Variants in PRELID2 observed in about 807,000 individuals in gnomAD.
The protein encoded by PRELID2 is PRELI domain containing 2.
A neutral mutation model predicts 28.4 loss-of-function variants in PRELID2; 25 were observed. The ratio of observed to expected loss-of-function variants is 0.88; its 90% CI spans 0.64 to 1.23. The LOEUF (loss-of-function observed/expected upper bound fraction) is 1.23. Among genes scored for constraint, PRELID2 ranks in the 50% most tolerant of loss-of-function variants. PRELID2 has a pLI of 0.00. For missense variants in PRELID2, 201 were observed against 214.4 expected (o/e 0.94, Z 0.39); for synonymous variants, 76 against 71.6 (o/e 1.06, Z -0.31).
chr5:145,322,810 G>A, the PRELID2 span, among the ~76,000 whole-genome samples: 2 of 152,014 alleles, frequency 1.3e-5, no homozygotes, highest in African/African-American at 4.8e-5. Context: ...AACTTTGGGA[G>A]GCCGAGGTGG....
chr5:145,410,234 T>C, the PRELID2 span, among the ~76,000 whole-genome samples: 8 of 152,244 alleles, frequency 5.3e-5, no homozygotes, highest in African/African-American at 1.7e-4. Context: ...GAAAATCTCT[T>C]CTAGATATTG....
chr5:145,254,429 G>A, the PRELID2 span, among the ~76,000 whole-genome samples: 1 of 152,080 alleles, frequency 6.6e-6, no homozygotes, highest in Non-Finnish European at 1.5e-5. Context: ...ACAAGTATGT[G>A]AGCCCCAATC....
chr5:145,468,028 T>C (rs537877963), downstream of PRELID2, among the ~76,000 whole-genome samples: 2 of 152,036 alleles, frequency 1.3e-5, no homozygotes, highest in Admixed American at 1.3e-4. Flanking sequence ...TAACTCGTCA[T>C]TTACATTAGG....
the PRELID2 span, among the ~76,000 whole-genome samples, chr5:145,420,206 C>A: frequency 6.6e-6 from 1 of 151,846 alleles, no homozygotes; most frequent in African/African-American, 2.4e-5. Context: ...ATTGACTTGG[C>A]GATGCGGGCT....
chr5:145,565,098 G>A (rs1332907392), intron 1 of PRELID2, among the ~76,000 whole-genome samples: 9 of 152,138 alleles, frequency 5.9e-5, no homozygotes, highest in Admixed American at 4.6e-4. Context: ...GTTCCTATTC[G>A]GTCATCTTGC....
At chr5:145,443,883 GAA>G in the PRELID2 span, among the ~76,000 whole-genome samples, 1 of 152,184 alleles carries the variant, frequency 6.6e-6, no homozygotes, top group South Asian at 2.1e-4. Flanking sequence ...GGGAATCTAT[GAA>G]AATATGAGAG....
At chr5:145,755,784 C>T (rs963219725), downstream of PRELID2, among the ~76,000 whole-genome samples, 1 of 152,140 alleles carries the variant, frequency 6.6e-6, no homozygotes, top group Non-Finnish European at 1.5e-5. Context: ...TTCCTGCACA[C>T]AGCAGATGCT....
the PRELID2 span, among the ~76,000 whole-genome samples, chr5:145,302,771 T>C: frequency 3.3e-5 from 5 of 152,334 alleles, no homozygotes; most frequent in South Asian, 1.0e-3. Context: ...CTTGTAAATA[T>C]GTGCTTCATT....
the PRELID2 span, among the ~76,000 whole-genome samples, chr5:145,273,584 T>C: frequency 6.6e-6 from 1 of 152,150 alleles, no homozygotes; most frequent in Admixed American, 6.6e-5. Flanking sequence ...CGGAAATGCT[T>C]TTCAGCATCC....
the PRELID2 span, among the ~76,000 whole-genome samples, chr5:145,340,800 T>TATATATATATA: frequency 7.4e-6 from 1 of 135,192 alleles, no homozygotes; most frequent in Non-Finnish European, 1.6e-5. Context: ...TATATATATA[T>TATATATATATA]CCTCCCTATA....
chr5:145,595,177 C>CAT, intron 1 of PRELID2, among the ~76,000 whole-genome samples: 1 of 116,338 alleles, frequency 8.6e-6, no homozygotes, highest in Admixed American at 1.0e-4. Context: ...CACACACACA[C>CAT]ACACACACAC....
At chr5:145,427,706 A>G in the PRELID2 span, among the ~76,000 whole-genome samples, 146 of 152,286 alleles carry the variant, frequency 9.6e-4, no homozygotes, top group Non-Finnish European at 4.3e-4. Context: ...CATTAAAGGT[A>G]TAATACAGTT....
the PRELID2 span, among the ~76,000 whole-genome samples, chr5:145,252,653 G>A: frequency 9.5e-4 from 145 of 152,114 alleles, 1 homozygote; most frequent in Middle Eastern, 3.4e-3. Context: ...TGCATTTTTG[G>A]TGACAGTTTC....
the PRELID2 span, among the ~76,000 whole-genome samples, chr5:145,455,167 A>G: frequency 6.6e-6 from 1 of 152,092 alleles, no homozygotes; most frequent in African/African-American, 2.4e-5. Flanking sequence ...GGTGTAAGGA[A>G]GGGGTCCAGT....
chr5:145,600,500 C>G (rs979523072), intron 1 of PRELID2, among the ~76,000 whole-genome samples: 1 of 148,708 alleles, frequency 6.7e-6, no homozygotes, highest in Non-Finnish European at 1.5e-5. Flanking sequence ...GACCCAGTAG[C>G]AAGGTAGAAA....
the PRELID2 span, among the ~76,000 whole-genome samples, chr5:145,263,712 C>G: frequency 6.6e-6 from 1 of 152,006 alleles, no homozygotes; most frequent in Non-Finnish European, 1.5e-5. Flanking sequence ...ACTATGAACA[C>G]CTTTACATGC....
chr5:145,424,140 G>C, the PRELID2 span, among the ~76,000 whole-genome samples: 1 of 151,306 alleles, frequency 6.6e-6, no homozygotes, highest in African/African-American at 2.4e-5. Flanking sequence ...TCTCTTCAAA[G>C]CTGTCAGACA....
chr5:145,802,942 G>A (rs958075077), intron 4 of PRELID2, among the ~76,000 whole-genome samples: 1 of 152,116 alleles, frequency 6.6e-6, no homozygotes, highest in Non-Finnish European at 1.5e-5. Context: ...GGCAGTTTCC[G>A]GGAAAGCAAA....
At chr5:145,374,054 G>C in the PRELID2 span, among the ~76,000 whole-genome samples, 1 of 150,596 alleles carries the variant, frequency 6.6e-6, no homozygotes, top group Non-Finnish European at 1.5e-5. Flanking sequence ...TTTCACACTA[G>C]TTGATGCAGT....
Sources: gnomAD v4.1 joint callset for allele counts (sites outside exome capture counted in the v4.1 genomes callset) on GRCh38, gnomAD v4.1.1 for gene constraint, MANE v1.5 for transcripts, NCBI Gene and HGNC (gene_info 2026-07-23, HGNC 2026-07-21) for gene names.